TET2: variants seen among roughly 807,000 people sequenced by gnomAD.
TET2 encodes the protein tet methylcytosine dioxygenase 2, also known as methylcytosine dioxygenase TET2.
In TET2, 299 loss-of-function variants were observed where a neutral mutation model predicts 142.9. The observed-to-expected ratio is 2.09, with a 90% CI of 1.90 to 2.30. TET2 has a LOEUF of 2.30. TET2 is among the 30% of genes most tolerant of loss of function. TET2 has a pLI of 0.00. For synonymous variants in TET2, 819 were observed against 849.0 expected (o/e 0.96, Z 0.61); for missense variants, 2,418 against 2,378.0 (o/e 1.02, Z -0.35).
chr4:105,205,203 A>G (rs532267325), intron 2 of TET2, among the ~76,000 whole-genome samples: 2 of 152,266 alleles, frequency 1.3e-5, no homozygotes, highest in South Asian at 4.1e-4. Context: ...AAAAATCTCA[A>G]CTTATTCTCC....
intron 2 of TET2, among the ~76,000 whole-genome samples, chr4:105,205,245 GT>G (rs1228106495): frequency 6.6e-6 from 1 of 152,082 alleles, no homozygotes; most frequent in Non-Finnish European, 1.5e-5. Context: ...GCAGTATTCT[GT>G]TTTTTACTTG....
At chr4:105,250,857 T>G (rs1050814893) in intron 6 of TET2, among the ~76,000 whole-genome samples, 3 of 151,994 alleles carry the variant, frequency 2.0e-5, no homozygotes, top group Non-Finnish European at 2.9e-5. Context: ...TTGTTTTGTG[T>G]TTTTGGTGGA....
In TET2 at chr4:105,276,726, T is replaced by C; in HGVS notation, c.*207T>C. ...CTCCCAAGTGGTCACAGATGGCATC[T>C]AGGAAAAGACCAAAGCATTCTATGC... On this transcript the variant is annotated 3_prime_UTR_variant, in exon 11 of 11. Coordinates refer to ENST00000380013, the MANE Select transcript of TET2 (RefSeq NM_001127208.3). 1 of 537,844 alleles carries C rather than the reference T, an allele frequency of 1.9e-6. No individual in the cohort carries two copies. The highest frequency in any genetic ancestry group is 3.0e-5 in the East Asian group (1 of 33,456). The allele number at this position is 537,844 out of a possible 1,614,324, so 33.3% of individuals were successfully genotyped here. A position where few individuals can be genotyped will look rare whatever the true frequency, so the allele number is the denominator to read the frequency against.
intron 2 of TET2, among the ~76,000 whole-genome samples, chr4:105,192,214 C>T (rs780796787): frequency 2.0e-4 from 30 of 151,584 alleles, no homozygotes; most frequent in Non-Finnish European, 3.2e-4. Context: ...AAAAAAAAAA[C>T]GAAGACAACA....
At chr4:105,171,808 C>T (rs1226749867) in intron 1 of TET2, 1 of 152,220 alleles carries the variant, frequency 6.6e-6, no homozygotes, top group Non-Finnish European at 1.5e-5. Context: ...TATTCTCTTT[C>T]TTCCAGATTG....
At chr4:105,205,153 C>T (rs766653300) in intron 2 of TET2, among the ~76,000 whole-genome samples, 3 of 152,058 alleles carry the variant, frequency 2.0e-5, no homozygotes, top group Admixed American at 6.5e-5. Flanking sequence ...CAAAGCTTTG[C>T]TTTCTTTGAA....
At chr4:105,267,466 C>T (rs1023253876) in intron 8 of TET2, among the ~76,000 whole-genome samples, 1 of 149,122 alleles carries the variant, frequency 6.7e-6, no homozygotes. Flanking sequence ...AGTACTTATA[C>T]GATATGTGGA....
rs1408474640 is a variant in TET2, at chr4:105,234,409, A to G, written c.467A>G (p.Gln156Arg). Reference sequence around the variant, plus strand: ...AAAGAATCTGTGAGTTCTGTAGCCCAAGAAAATGCAGTTAAAGATTTCACC... The same window carrying G: ...AAAGAATCTGTGAGTTCTGTAGCCCGAGAAAATGCAGTTAAAGATTTCACC... ...DKKESVSSVA[Q>R]ENAVKDFTSF... The change falls in exon 3 of 11, where the codon CAA (glutamine) becomes CGA (arginine). Residue 156 changes from glutamine (Q) to arginine (R), a missense_variant. Gln to Arg is a conservative substitution (Grantham distance 43). Transcript: ENST00000380013. 1.2e-6 allele frequency: 2 copies of G among 1,613,934 alleles called. No homozygotes were observed. Among genetic ancestry groups the G allele is most frequent in the Non-Finnish European group, 1.7e-6 (2 of 1,180,010 alleles).
intron 1 of TET2, among the ~76,000 whole-genome samples, chr4:105,167,341 A>G (rs776857318): frequency 1.1e-3 from 167 of 151,894 alleles, no homozygotes; most frequent in Non-Finnish European, 1.6e-3. Flanking sequence ...AAAACAATAC[A>G]ACTAAACTTA....
chr4:105,221,352 G>A (rs1287261393), intron 2 of TET2, among the ~76,000 whole-genome samples: 4 of 152,110 alleles, frequency 2.6e-5, no homozygotes, highest in African/African-American at 9.7e-5. Context: ...AAACTGGCAG[G>A]TGTCTCCAGA....
chr4:105,276,040 G>C lies in TET2; in HGVS notation c.5530G>C (p.Asp1844His), dbSNP rs754174059. 24 of 1,551,692 alleles carry C rather than the reference G, an allele frequency of 1.5e-5. 1 individual carries two copies. The South Asian group carries it at 2.9e-4, about 18-fold the overall frequency. The change falls in exon 11 of 11, where the codon GAT (aspartate) becomes CAT (histidine). Residue 1844 changes from aspartate to histidine, a missense_variant. By Grantham distance (81) the Asp-to-His change is moderately conservative. Transcript: ENST00000380013. ...QGVASGAEDN[D>H]EVWSDSEQSF... ...TGTGGCTTCTGGTGCAGAGGACAAC[G>C]ATGAGGTCTGGTCAGACAGCGAGCA... is the stretch of plus-strand genomic sequence containing the variant.
chr4:105,238,392 G>C (rs1313824360), intron 3 of TET2: 1 of 241,128 alleles, frequency 4.1e-6, no homozygotes, highest in Non-Finnish European at 8.8e-6. Context: ...ATGCAATGCT[G>C]TTTGATAGCA....
intron 9 of TET2, among the ~76,000 whole-genome samples, chr4:105,271,439 GAA>G (rs1324583516): frequency 6.7e-6 from 1 of 149,020 alleles, no homozygotes; most frequent in Non-Finnish European, 1.5e-5. Flanking sequence ...AGGATGTTTA[GAA>G]TCAAGAAGAA....
chr4:105,242,132 C>A, intron 4 of TET2: 1 of 1,162,638 alleles, frequency 8.6e-7, no homozygotes, highest in Admixed American at 4.7e-5. Context: ...ACTTAGGATA[C>A]ATTGGGGCAG....
In TET2 at chr4:105,243,611, G is replaced by C. The variant is rs1322937531; in HGVS notation, c.3636G>C (p.Leu1212Phe). 3.2e-6 allele frequency: 5 copies of C among 1,551,508 alleles called. No homozygotes were observed. The African/African-American group carries it at 6.8e-5, about 21-fold the overall frequency. ...GCAGTGAAGAGAAGCTACTGTGTTT[G>C]GTGCGGGAGCGAGCTGGCCACACCT... is the stretch of plus-strand genomic sequence containing the variant. ...RSSSEEKLLC[L>F]VRERAGHTCE... The change falls in exon 6 of 11, where the codon TTG becomes TTC. Residue 1212 changes from leucine (L) to phenylalanine (F), a missense_variant. By Grantham distance (22) the Leu-to-Phe change is conservative. Transcript: ENST00000380013.
At chr4:105,259,368 T>C (rs1425403731) in intron 6 of TET2, among the ~76,000 whole-genome samples, 3 of 152,154 alleles carry the variant, frequency 2.0e-5, no homozygotes, top group African/African-American at 7.2e-5. Flanking sequence ...TTAGTGTGGG[T>C]TCTACTTAAC....
intron 4 of TET2, chr4:105,242,111 A>G (rs1374830334): frequency 1.7e-6 from 2 of 1,184,766 alleles, no homozygotes; most frequent in East Asian, 7.4e-5. Flanking sequence ...AGGCAGTATT[A>G]TTATTAAAGT....
chr4:105,153,853 T>C (rs1048148125), intron 1 of TET2, among the ~76,000 whole-genome samples: 1 of 152,258 alleles, frequency 6.6e-6, no homozygotes, highest in East Asian at 1.9e-4. Context: ...TGAAAACTTG[T>C]AGCCAAATGT....
At chr4:105,240,148 C>G (rs780981565) in intron 3 of TET2, 24 of 231,684 alleles carry the variant, frequency 1.0e-4, no homozygotes, top group African/African-American at 1.6e-4. Flanking sequence ...CTTTAAAATA[C>G]TGTGAGAATT....
Sources: gnomAD v4.1 joint callset for allele counts (sites outside exome capture counted in the v4.1 genomes callset) on GRCh38, gnomAD v4.1.1 for gene constraint, MANE v1.5 for transcripts, NCBI Gene and HGNC (gene_info 2026-07-23, HGNC 2026-07-21) for gene names.